ENTREP2: variants seen among roughly 807,000 people sequenced by gnomAD.
ENTREP2 encodes protein ENTREP2.
chr15:29,331,833 G>T, the ENTREP2 span, among the ~76,000 whole-genome samples: 1 of 152,266 alleles, frequency 6.6e-6, no homozygotes, highest in South Asian at 2.1e-4. Context: ...GCAGGCACCC[G>T]ACAGACCAAG....
the ENTREP2 span, among the ~76,000 whole-genome samples, chr15:29,226,547 G>C: frequency 6.6e-6 from 1 of 152,196 alleles, no homozygotes; most frequent in African/African-American, 2.4e-5. Flanking sequence ...GCAACAATGG[G>C]AACAGAGATG....
the ENTREP2 span, among the ~76,000 whole-genome samples, chr15:29,171,524 G>A: frequency 1.3e-5 from 2 of 151,960 alleles, no homozygotes; most frequent in Non-Finnish European, 2.9e-5. Flanking sequence ...TCTCCCTCCT[G>A]CCCCCAGCAA....
the ENTREP2 span, chr15:29,234,513 C>T: frequency 1.6e-4 from 223 of 1,405,992 alleles, no homozygotes; most frequent in Admixed American, 1.5e-3. Context: ...GAACAACCAA[C>T]GGCAAGGTAA....
At chr15:29,470,167 CGT>C in the ENTREP2 span, among the ~76,000 whole-genome samples, 1 of 152,306 alleles carries the variant, frequency 6.6e-6, no homozygotes, top group Middle Eastern at 3.4e-3. Flanking sequence ...ACAGTCACGG[CGT>C]GTGTGTGAAC....
the ENTREP2 span, among the ~76,000 whole-genome samples, chr15:29,649,841 T>A: frequency 6.7e-6 from 1 of 149,882 alleles, no homozygotes; most frequent in East Asian, 1.9e-4. Flanking sequence ...GGAGCAAGGA[T>A]GGCCTCTTGC....
At chr15:29,429,521 A>G in the ENTREP2 span, among the ~76,000 whole-genome samples, 1 of 152,172 alleles carries the variant, frequency 6.6e-6, no homozygotes, top group Admixed American at 6.5e-5. Flanking sequence ...ATGGCCAGCC[A>G]ATATTTAATT....
the ENTREP2 span, among the ~76,000 whole-genome samples, chr15:29,461,012 G>C: frequency 6.6e-6 from 1 of 152,130 alleles, no homozygotes; most frequent in Non-Finnish European, 1.5e-5. Context: ...CCTCACTATA[G>C]AACATTTATT....
chr15:29,226,033 G>A, the ENTREP2 span, among the ~76,000 whole-genome samples: 1 of 152,252 alleles, frequency 6.6e-6, no homozygotes, highest in Middle Eastern at 3.4e-3. Flanking sequence ...TTTGGAGCCC[G>A]AGCTGCTCAC....
At chr15:29,554,569 G>A in the ENTREP2 span, among the ~76,000 whole-genome samples, 1 of 152,096 alleles carries the variant, frequency 6.6e-6, no homozygotes, top group African/African-American at 2.4e-5. Flanking sequence ...GAGACACTGT[G>A]TTGTGCAAAA....
At chr15:29,259,196 T>A in the ENTREP2 span, among the ~76,000 whole-genome samples, 2 of 152,156 alleles carry the variant, frequency 1.3e-5, no homozygotes. Flanking sequence ...TCAAAATTAG[T>A]TTGGAAAAGT....
At chr15:29,436,840 A>T in the ENTREP2 span, among the ~76,000 whole-genome samples, 33 of 152,362 alleles carry the variant, frequency 2.2e-4, 1 homozygote, top group East Asian at 6.2e-3. Context: ...ACGTATCTGT[A>T]ACATTACGGA....
chr15:29,230,673 G>C, the ENTREP2 span, among the ~76,000 whole-genome samples: 62 of 152,156 alleles, frequency 4.1e-4, no homozygotes, highest in Non-Finnish European at 6.5e-4. Flanking sequence ...TTTTGGTAGA[G>C]GGAACAGCAC....
At chr15:29,201,838 G>A in the ENTREP2 span, among the ~76,000 whole-genome samples, 2 of 152,122 alleles carry the variant, frequency 1.3e-5, no homozygotes, top group African/African-American at 4.8e-5. Flanking sequence ...CAGAGAAATT[G>A]TGTAGAAATG....
At chr15:29,443,111 C>A in the ENTREP2 span, among the ~76,000 whole-genome samples, 1 of 152,248 alleles carries the variant, frequency 6.6e-6, no homozygotes, top group Non-Finnish European at 1.5e-5. Context: ...TCAGGTACCT[C>A]TTGCTGGAAC....
the ENTREP2 span, among the ~76,000 whole-genome samples, chr15:29,409,817 T>G: frequency 6.6e-6 from 1 of 152,132 alleles, no homozygotes; most frequent in African/African-American, 2.4e-5. Context: ...ATAACTAGTT[T>G]CAGTGTTCTG....
the ENTREP2 span, among the ~76,000 whole-genome samples, chr15:29,595,641 GTTC>G: frequency 1.3e-5 from 2 of 152,104 alleles, no homozygotes; most frequent in African/African-American, 4.8e-5. Flanking sequence ...ACAGATTGAA[GTTC>G]TTCTGCTCGG....
the ENTREP2 span, among the ~76,000 whole-genome samples, chr15:29,311,254 T>C: frequency 2.0e-5 from 3 of 152,336 alleles, no homozygotes; most frequent in South Asian, 4.1e-4. Context: ...ATATGATCGA[T>C]AGATTTCTGA....
chr15:29,585,305 A>T, the ENTREP2 span, among the ~76,000 whole-genome samples: 1 of 152,214 alleles, frequency 6.6e-6, no homozygotes. Context: ...AAAATTATTG[A>T]TTCACTGAAA....
At chr15:29,562,816 G>A in the ENTREP2 span, among the ~76,000 whole-genome samples, 1 of 151,536 alleles carries the variant, frequency 6.6e-6, no homozygotes, top group Non-Finnish European at 1.5e-5. Flanking sequence ...TTTGAGATAG[G>A]ATTTCTCGCT....
Sources: gnomAD v4.1 joint callset for allele counts (sites outside exome capture counted in the v4.1 genomes callset) on GRCh38, gnomAD v4.1.1 for gene constraint, MANE v1.5 for transcripts, NCBI Gene and HGNC (gene_info 2026-07-23, HGNC 2026-07-21) for gene names.